DEK: variants seen among roughly 807,000 people sequenced by gnomAD.
DEK encodes DEK proto-oncogene, also known as protein DEK.
In DEK, 28 loss-of-function variants were observed where a neutral mutation model predicts 46.8. The observed-to-expected ratio is 0.60, with a 90% confidence interval of 0.44 to 0.82. The LOEUF is 0.82. Among genes scored for constraint, DEK ranks in the 40% least tolerant of loss-of-function variants. The pLI is 0.00. For missense variants in DEK, 416 were observed against 430.6 expected (o/e 0.97, Z 0.30); for synonymous variants, 160 against 144.5 (o/e 1.11, Z -0.77).
intron 7 of DEK, among the ~76,000 whole-genome samples, chr6:18,243,317 G>A (rs557280037): frequency 2.1e-5 from 3 of 139,562 alleles, no homozygotes; most frequent in Admixed American, 7.4e-5. Context: ...ACCAGAGGAC[G>A]TGTCTCATTT....
At position 18,264,439 on chromosome 6, in the gene DEK, A is replaced by AGGC. The variant is rs747771146; in HGVS notation, c.-67_-65dup. 6 of 274,826 alleles carry AGGC rather than the reference A, an allele frequency of 2.2e-5. No homozygotes were observed. The highest frequency in any genetic ancestry group is 1.8e-4 in the South Asian group (6 of 34,106). The allele number at this position is 274,826 out of a possible 1,614,324, so 17.0% of individuals were successfully genotyped here. ...CGCGAGGGCACGAGGAGGTTCTGGG[A>AGGC]GGCGGCGGCGGCCGACGCCGAGGAG... On this transcript the variant is annotated 5_prime_UTR_variant, in exon 1 of 11. Transcript: ENST00000652689.
In DEK at chr6:18,224,590, G is replaced by C. The variant is rs1305245203; in HGVS notation, c.*1129C>G. 3 of 202,764 alleles carry C rather than the reference G, an allele frequency of 1.5e-5. No individual in the cohort carries two copies. The highest frequency in any genetic ancestry group is 3.0e-5 in the Non-Finnish European group (3 of 98,882). The allele number at this position is 202,764 out of a possible 1,614,324, so 12.6% of individuals were successfully genotyped here. A position where few individuals can be genotyped will look rare whatever the true frequency, so the allele number is the denominator to read the frequency against. On this transcript the variant is annotated 3_prime_UTR_variant, in exon 11 of 11. Transcript: ENST00000652689. ...CTGAAAGCCAAGAGCCCCAACTCCAGAGAAACATTAAATTTCTTTAATGTA... is the reference window on the plus strand; with the variant it reads ...CTGAAAGCCAAGAGCCCCAACTCCACAGAAACATTAAATTTCTTTAATGTA...
intron 6 of DEK, among the ~76,000 whole-genome samples, chr6:18,250,516 G>C (rs1403218290): frequency 6.8e-6 from 1 of 146,320 alleles, no homozygotes; most frequent in Admixed American, 6.8e-5. Context: ...TGCCAAAGAA[G>C]CTCCTTGCTT....
At chr6:18,229,545 C>T (rs190601647) in intron 9 of DEK, among the ~76,000 whole-genome samples, 3 of 152,184 alleles carry the variant, frequency 2.0e-5, no homozygotes, top group East Asian at 1.9e-4. Context: ...GACCTGATGG[C>T]GCTGAAAACC....
rs755415804 is a variant in DEK, at chr6:18,263,963, C to T, written c.25G>A (p.Glu9Lys). The T allele has an allele frequency of 3.1e-6, 5 of 1,612,178 alleles. No homozygotes were observed. The Admixed American group carries it at 8.4e-5, about 27-fold the overall frequency. Residue 9 changes from glutamate to lysine, a missense_variant, in exon 2 of 11, where the codon GAG (glutamate) becomes AAG (lysine). Transcript: ENST00000652689. ...GGCTGGGTGGGGGTTCCCTCCCCCT[C>T]CGCAGCAGGGGCCGAGGCGGACATG... Reference protein sequence around the residue: MSASAPAAEGEGTPTQPAS... With the variant: MSASAPAAKGEGTPTQPAS...
intron 7 of DEK, among the ~76,000 whole-genome samples, chr6:18,239,674 C>T (rs1289872194): frequency 3.9e-5 from 6 of 152,046 alleles, no homozygotes; most frequent in Admixed American, 1.3e-4. Context: ...TGGACTTTTG[C>T]GATTTACAGG....
chr6:18,256,579 G>T, intron 4 of DEK, 124 bp from the exon 5 acceptor site: 2 of 674,728 alleles, frequency 3.0e-6, no homozygotes, highest in South Asian at 2.6e-5. Flanking sequence ...AATACTGGCT[G>T]AACAGTCAAC....
intron 6 of DEK, among the ~76,000 whole-genome samples, chr6:18,253,889 G>C (rs529622813): frequency 6.6e-6 from 1 of 152,060 alleles, no homozygotes; most frequent in African/African-American, 2.4e-5. Context: ...ATTTCTTCTT[G>C]AGACAGTCTC....
chr6:18,233,006 G>C (rs1369621011), intron 9 of DEK, among the ~76,000 whole-genome samples: 3 of 152,146 alleles, frequency 2.0e-5, no homozygotes, highest in African/African-American at 7.2e-5. Flanking sequence ...CAGAGATATA[G>C]ACCAATGGAA....
At chr6:18,234,910 C>T (rs1233331219) in intron 9 of DEK, among the ~76,000 whole-genome samples, 1 of 152,150 alleles carries the variant, frequency 6.6e-6, no homozygotes, top group Non-Finnish European at 1.5e-5. Flanking sequence ...CTTTTACCAC[C>T]CTATGTCATC....
At chr6:18,234,279 G>GATATATATATAT (rs34234830) in intron 9 of DEK, among the ~76,000 whole-genome samples, 10 of 144,806 alleles carry the variant, frequency 6.9e-5, no homozygotes, top group African/African-American at 2.5e-4. Context: ...ATGGCACATG[G>GATATATATATAT]ATATATATAT....
chr6:18,224,712 G>A lies in DEK; in HGVS notation c.*1007C>T, dbSNP rs1017558015. ...ATAATCTGGTACTTTAGTCATAATC[G>A]TGAAGCTGGCTAGGTTTCCAGTAAA... On this transcript the variant is annotated 3_prime_UTR_variant, in exon 11 of 11. Transcript: ENST00000652689. The A allele has an allele frequency of 1.6e-4, 34 of 213,500 alleles. No individual in the cohort carries two copies. Among genetic ancestry groups the A allele is most frequent in the Non-Finnish European group, 1.9e-4 (20 of 105,676 alleles). The allele number at this position is 213,500 out of a possible 1,614,324, so 13.2% of individuals were successfully genotyped here.
At chr6:18,247,964 G>T (rs1250790905) in intron 7 of DEK, among the ~76,000 whole-genome samples, 2 of 152,150 alleles carry the variant, frequency 1.3e-5, no homozygotes, top group Admixed American at 1.3e-4. Flanking sequence ...GGGTCACCAT[G>T]CCCGGCCTGC....
At chr6:18,257,001 T>C (rs1791623281) in intron 4 of DEK, among the ~76,000 whole-genome samples, 1 of 152,218 alleles carries the variant, frequency 6.6e-6, no homozygotes. Flanking sequence ...CCAGACATTC[T>C]ATTCTACTTC....
At chr6:18,231,834 A>G (rs995724594) in intron 9 of DEK, among the ~76,000 whole-genome samples, 1 of 152,230 alleles carries the variant, frequency 6.6e-6, no homozygotes, top group Non-Finnish European at 1.5e-5. Flanking sequence ...AATGAATAGA[A>G]AAAGAGGGAA....
chr6:18,239,224 A>G (rs1380862029), intron 7 of DEK, among the ~76,000 whole-genome samples: 1 of 152,008 alleles, frequency 6.6e-6, no homozygotes, highest in African/African-American at 2.4e-5. Flanking sequence ...GTGCCCGGCC[A>G]AGTCAACCTG....
intron 9 of DEK, 114 bp downstream of exon 9, chr6:18,236,337 TC>T (rs1164163016): frequency 7.6e-5 from 87 of 1,138,184 alleles, no homozygotes; most frequent in Non-Finnish European, 1.0e-4. Flanking sequence ...ATATAGTAGT[TC>T]AATAAATCTT....
intron 7 of DEK, among the ~76,000 whole-genome samples, chr6:18,238,051 T>G (rs1790740911): frequency 1.3e-5 from 2 of 151,818 alleles, no homozygotes; most frequent in Non-Finnish European, 2.9e-5. Flanking sequence ...GTATTTTTAG[T>G]AGAGATGAGG....
intron 7 of DEK, among the ~76,000 whole-genome samples, chr6:18,239,018 G>A (rs955686518): frequency 4.2e-4 from 64 of 152,048 alleles, no homozygotes; most frequent in African/African-American, 1.3e-3. Flanking sequence ...TCTGCCTCCC[G>A]GGTTCAAGTG....
Sources: gnomAD v4.1 joint callset for allele counts (sites outside exome capture counted in the v4.1 genomes callset) on GRCh38, gnomAD v4.1.1 for gene constraint, MANE v1.5 for transcripts, NCBI Gene and HGNC (gene_info 2026-07-23, HGNC 2026-07-21) for gene names.